Variants in ATP10B observed in about 807,000 individuals in gnomAD.
ATP10B encodes phospholipid-transporting ATPase VB.
Under a neutral mutation model 141.2 loss-of-function variants are expected in ATP10B, and 122 were observed. The ratio of observed to expected loss-of-function variants is 0.86; its 90% CI spans 0.75 to 1.00. ATP10B has a LOEUF of 1.00. Among genes scored for constraint, ATP10B ranks in the 50% least tolerant of loss-of-function variants. ATP10B has a pLI of 0.00. For missense variants in ATP10B, 1,876 were observed against 1,825.3 expected, an observed-to-expected ratio of 1.03 and a Z score of -0.51; for synonymous variants, 685 against 692.0, an observed-to-expected ratio of 0.99 and a Z score of 0.16.
chr5:160,885,036 C>T, the ATP10B span, among the ~76,000 whole-genome samples: 1 of 152,218 alleles, frequency 6.6e-6, no homozygotes, highest in Non-Finnish European at 1.5e-5. Flanking sequence ...AGGCCTCCTC[C>T]TTCCTTTCTG....
At chr5:160,617,414 C>T (rs1334591139) in intron 16 of ATP10B, among the ~76,000 whole-genome samples, 1 of 152,224 alleles carries the variant, frequency 6.6e-6, no homozygotes, top group Non-Finnish European at 1.5e-5. Flanking sequence ...CAGGAATCAA[C>T]TTCTTCCTGG....
intron 1 of ATP10B, among the ~76,000 whole-genome samples, chr5:160,799,641 A>G (rs1000128318): frequency 2.0e-5 from 3 of 152,200 alleles, no homozygotes; most frequent in African/African-American, 7.2e-5. Context: ...ATTCAGATGA[A>G]CATTTACAGT....
chr5:160,889,425 A>G, the ATP10B span, among the ~76,000 whole-genome samples: 24 of 152,220 alleles, frequency 1.6e-4, no homozygotes, highest in South Asian at 3.1e-3. Context: ...GTTGCTCAAA[A>G]CCTAATTCTT....
Position 160,670,573 on chromosome 5 carries a change from G to T in ATP10B, c.565C>A (p.Leu189Ile). The T allele has an allele frequency of 1.2e-6, 2 of 1,614,038 alleles. No homozygotes were observed. Among genetic ancestry groups the T allele is most frequent in the Non-Finnish European group, 1.7e-6 (2 of 1,179,946 alleles). The change falls in exon 7 of 26, where the codon CTC becomes ATC. Residue 189 changes from leucine to isoleucine, a missense_variant. Physicochemically the swap from Leu to Ile is conservative, Grantham distance 5. Transcript: ENST00000327245. ...TTGGGGTCAGAGGAAAAAAGGAGGA[G>T]TATGTCTGCTGGGACAATCTCATTG... is the stretch of plus-strand genomic sequence containing the variant. ...KCNEIVPADI[L>I]LLFSSDPNGI...
At chr5:160,831,700 C>A (rs1775091434) in intron 1 of ATP10B, among the ~76,000 whole-genome samples, 1 of 152,018 alleles carries the variant, frequency 6.6e-6, no homozygotes, top group African/African-American at 2.4e-5. Context: ...AAAGACAATT[C>A]ATTGTGAAAA....
intron 1 of ATP10B, among the ~76,000 whole-genome samples, chr5:160,812,020 C>CACAGAGAGAGAGAGAGAGAGAGAGAGAG (rs1211580744): frequency 1.3e-4 from 14 of 111,420 alleles, no homozygotes; most frequent in Non-Finnish European, 1.8e-4. Context: ...GAGACAGAGA[C>CACAGAGAGAGAGAGAGAGAGAGAGAGAG]AGAGAGAGAG....
intron 7 of ATP10B, among the ~76,000 whole-genome samples, chr5:160,666,966 T>C (rs1179087367): frequency 3.3e-5 from 5 of 151,888 alleles, no homozygotes; most frequent in Admixed American, 2.6e-4. Flanking sequence ...CGCCTGTAAT[T>C]CCAGCATTTT....
At chr5:160,740,894 G>A (rs1035966583) in intron 2 of ATP10B, among the ~76,000 whole-genome samples, 5 of 152,154 alleles carry the variant, frequency 3.3e-5, no homozygotes, top group African/African-American at 7.2e-5. Flanking sequence ...TGGAAGATAC[G>A]CTATCCCTTG....
At chr5:160,904,649 A>G in the ATP10B span, among the ~76,000 whole-genome samples, 1 of 152,246 alleles carries the variant, frequency 6.6e-6, no homozygotes, top group East Asian at 1.9e-4. Context: ...GGATGAGCAG[A>G]TTCTTGAATT....
At chr5:160,686,935 T>C (rs1172391588) in intron 5 of ATP10B, 20 of 985,212 alleles carry the variant, frequency 2.0e-5, no homozygotes, top group Non-Finnish European at 2.0e-5. Context: ...ATCTCATACA[T>C]TATCTCAAAA....
rs891864441 is a variant in ATP10B at position 160,688,887 on chromosome 5, G to A, written c.-148C>T. 2.0e-6 allele frequency: 2 copies of A among 985,406 alleles called. No individual in the cohort carries two copies. Among genetic ancestry groups the A allele is most frequent in the Non-Finnish European group, 2.4e-6 (2 of 829,942 alleles). The allele number at this position is 985,406 out of a possible 1,614,324, so 61.0% of individuals were successfully genotyped here. ...TCAGCTGGCTTTTCTTAATCTAGAT[G>A]GCTGGAGTTGGGGATAGGGGATCCC... On this transcript the variant is annotated 5_prime_UTR_variant, in exon 4 of 26. Coordinates refer to ENST00000327245, the MANE Select transcript of ATP10B (RefSeq NM_025153.3).
intron 7 of ATP10B, among the ~76,000 whole-genome samples, chr5:160,652,880 T>A (rs1340652917): frequency 1.2e-5 from 1 of 85,858 alleles, no homozygotes; most frequent in East Asian, 2.8e-4. Flanking sequence ...ATATATAATA[T>A]ATATATAATT....
At chr5:160,578,836 CCAT>C (rs1320213495) in intron 24 of ATP10B, among the ~76,000 whole-genome samples, 1 of 152,198 alleles carries the variant, frequency 6.6e-6, no homozygotes, top group Non-Finnish European at 1.5e-5. Flanking sequence ...CACATCCTCT[CCAT>C]CATCTGTTGT....
chr5:160,887,210 G>T, the ATP10B span, among the ~76,000 whole-genome samples: 16 of 152,270 alleles, frequency 1.1e-4, no homozygotes, highest in East Asian at 2.7e-3. Flanking sequence ...AGATGCTCAA[G>T]TCCTTGATAT....
At position 160,607,027 on chromosome 5, in the gene ATP10B, T is replaced by A. The variant is rs1280344315; in HGVS notation, c.2898A>T (p.Leu966=). The A allele has an allele frequency of 8.7e-6, 14 of 1,614,034 alleles. No individual in the cohort carries two copies. ...ALEELKQFRE[L]QKPDRKLFGF... ...CAAAGAGCTTGCGGTCTGGCTTCTG[T>A]AGTTCACGAAATTGCTTTAGCTCTT... is the stretch of plus-strand genomic sequence containing the variant. Residue 966 remains leucine, a synonymous_variant, in exon 19 of 26, where the codon CTA becomes CTT. Transcript: ENST00000327245.
chr5:160,634,217 G>A (rs1322617430), intron 12 of ATP10B, 137 bp downstream of exon 12: 7 of 1,181,770 alleles, frequency 5.9e-6, no homozygotes, highest in Non-Finnish European at 8.8e-6. Flanking sequence ...AAGACCACAG[G>A]GATACAGGAA....
chr5:160,750,550 C>G (rs539210611), intron 2 of ATP10B, among the ~76,000 whole-genome samples: 12 of 152,110 alleles, frequency 7.9e-5, no homozygotes, highest in African/African-American at 2.9e-4. Flanking sequence ...CCATTCTTGT[C>G]TCATCCATGA....
chr5:160,906,124 G>A, the ATP10B span, among the ~76,000 whole-genome samples: 2 of 152,100 alleles, frequency 1.3e-5, no homozygotes, highest in African/African-American at 2.4e-5. Context: ...TAGGTCCTGA[G>A]GGAAAATAGA....
chr5:160,887,463 G>A, the ATP10B span, among the ~76,000 whole-genome samples: 3 of 151,956 alleles, frequency 2.0e-5, no homozygotes, highest in Non-Finnish European at 4.4e-5. Flanking sequence ...ATGGATGGCC[G>A]ACCATATAAG....
Sources: gnomAD v4.1 joint callset for allele counts (sites outside exome capture counted in the v4.1 genomes callset) on GRCh38, gnomAD v4.1.1 for gene constraint, MANE v1.5 for transcripts, NCBI Gene and HGNC (gene_info 2026-07-23, HGNC 2026-07-21) for gene names.